The following TBC1D22A variants were observed in gnomAD, a reference collection of about 807,000 sequenced individuals.
The protein encoded by TBC1D22A is putative GTPase activator.
A neutral mutation model predicts 60.2 loss-of-function variants in TBC1D22A; 38 were observed. That is an observed-to-expected ratio of 0.63 (90% confidence interval 0.49 to 0.83). The LOEUF (loss-of-function observed/expected upper bound fraction) is 0.83, where lower values mean the gene tolerates loss of function less well. TBC1D22A is among the 40% of genes least tolerant of loss of function. The pLI is 0.00. For synonymous variants in TBC1D22A, 302 were observed against 281.7 expected, an observed-to-expected ratio of 1.07 and a Z score of -0.72; for missense variants, 628 against 701.0, an observed-to-expected ratio of 0.90 and a Z score of 1.18.
intron 7 of TBC1D22A, among the ~76,000 whole-genome samples, chr22:46,908,384 C>A (rs1375476685): frequency 6.6e-6 from 1 of 152,224 alleles, no homozygotes; most frequent in Non-Finnish European, 1.5e-5. Context: ...GCGGCAGAGC[C>A]AGGCTTTGTG....
At chr22:47,159,826 A>C (rs2067899774) in intron 12 of TBC1D22A, among the ~76,000 whole-genome samples, 2 of 151,706 alleles carry the variant, frequency 1.3e-5, no homozygotes, top group African/African-American at 4.9e-5. Context: ...CACAACCCCC[A>C]CACACGCACC....
intron 7 of TBC1D22A, among the ~76,000 whole-genome samples, chr22:46,898,533 A>ATT (rs5845770): frequency 4.6e-5 from 7 of 151,414 alleles, no homozygotes; most frequent in African/African-American, 1.7e-4. Flanking sequence ...GTGAATCTGC[A>ATT]TTTTTTTTTT....
In TBC1D22A at chr22:46,762,831, C is replaced by A; in HGVS notation, c.45C>A (p.Asn15Lys). Residue 15 changes from asparagine to lysine, a missense_variant, in exon 1 of 13, where the codon AAC becomes AAA. By Grantham distance (94) the Asn-to-Lys change is moderately conservative. Transcript: ENST00000337137. ...GGAAGCAATTCTGGAAGCGCAGCAA[C>A]AGCAAGCTCCCGGGCAGGTGGGTGT... is the stretch of plus-strand genomic sequence containing the variant. Reference protein sequence around the residue: ...GARKQFWKRSNSKLPGSIQHV... With the variant: ...GARKQFWKRSKSKLPGSIQHV... The A allele has an allele frequency of 2.7e-6, 4 of 1,463,422 alleles. No individual in the cohort carries two copies. The highest frequency in any genetic ancestry group is 3.6e-6 in the Non-Finnish European group (4 of 1,114,336). The allele number at this position is 1,463,422 out of a possible 1,614,324, so 90.7% of individuals were successfully genotyped here. A position where few individuals can be genotyped will look rare whatever the true frequency, so the allele number is the denominator to read the frequency against.
chr22:46,938,173 C>G (rs992749580), intron 8 of TBC1D22A, among the ~76,000 whole-genome samples: 13 of 152,208 alleles, frequency 8.5e-5, no homozygotes, highest in African/African-American at 2.9e-4. Context: ...TCCTGCACGC[C>G]CCACTCATGG....
chr22:47,090,443 A>C (rs1008538282), intron 11 of TBC1D22A, among the ~76,000 whole-genome samples: 2 of 152,236 alleles, frequency 1.3e-5, no homozygotes, highest in African/African-American at 4.8e-5. Context: ...CCAGCAGCCG[A>C]GTAACTTCGG....
At chr22:47,085,210 GC>G (rs1327925477) in intron 11 of TBC1D22A, among the ~76,000 whole-genome samples, 1 of 152,228 alleles carries the variant, frequency 6.6e-6, no homozygotes, top group Non-Finnish European at 1.5e-5. Context: ...AACCCAGGAG[GC>G]GGAGGTTGCA....
intron 7 of TBC1D22A, among the ~76,000 whole-genome samples, chr22:46,898,645 T>C (rs375569402): frequency 2.0e-5 from 3 of 152,118 alleles, no homozygotes; most frequent in East Asian, 1.9e-4. Flanking sequence ...CAATCAGATA[T>C]GCATTTGTGT....
chr22:46,984,237 C>T (rs751440323), intron 9 of TBC1D22A, among the ~76,000 whole-genome samples: 12 of 151,370 alleles, frequency 7.9e-5, no homozygotes, highest in Admixed American at 3.9e-4. Context: ...CATGGTGGCG[C>T]GCGCCTGTAA....
At chr22:47,050,149 G>T (rs1053849582) in intron 11 of TBC1D22A, among the ~76,000 whole-genome samples, 4 of 152,188 alleles carry the variant, frequency 2.6e-5, no homozygotes, top group Non-Finnish European at 5.9e-5. Context: ...GGATTAAGGC[G>T]CCTGCCACCA....
At position 47,088,564 on chromosome 22, in the gene TBC1D22A, G is replaced by A. The variant is rs1249086766; in HGVS notation, c.1330-22944G>A. 2.6e-5 allele frequency among the ~76,000 whole-genome samples: 4 copies of A among 152,332 alleles called. No homozygotes were observed. The East Asian group carries it at 7.7e-4, about 29-fold the overall frequency. ...ACCAACTGGTATATAAAAGGAAAGAGTCAAGAAAGTATTCTATTTTCCTGC... is the reference window on the plus strand; with the variant it reads ...ACCAACTGGTATATAAAAGGAAAGAATCAAGAAAGTATTCTATTTTCCTGC... On this transcript the variant is annotated intron_variant, in intron 11 of 12. Transcript: ENST00000337137.
At chr22:46,971,229 C>T (rs1478567146) in intron 8 of TBC1D22A, among the ~76,000 whole-genome samples, 2 of 152,224 alleles carry the variant, frequency 1.3e-5, no homozygotes, top group East Asian at 3.9e-4. Context: ...GCCAGCTAAA[C>T]AGACCAAGAG....
intron 12 of TBC1D22A, among the ~76,000 whole-genome samples, chr22:47,123,207 G>A (rs2066334172): frequency 6.6e-6 from 1 of 152,120 alleles, no homozygotes; most frequent in African/African-American, 2.4e-5. Context: ...CCTGAAAACA[G>A]AGAGCACCAG....
At chr22:46,884,482 C>G (rs2068010640) in intron 5 of TBC1D22A, among the ~76,000 whole-genome samples, 1 of 152,202 alleles carries the variant, frequency 6.6e-6, no homozygotes, top group South Asian at 2.1e-4. Context: ...GGGCTCCTCC[C>G]ACAGCCGGGG....
In TBC1D22A at chr22:47,167,017, CTTTTA is replaced by C. The variant is rs2068234726; in HGVS notation, c.1426-6475_1426-6471del. On this transcript the variant is annotated intron_variant, in intron 12 of 12. Coordinates refer to ENST00000337137, the MANE Select transcript of TBC1D22A (RefSeq NM_014346.5). Reference sequence around the variant, plus strand: ...TGATCTCAGAGCAGACCCTATACTTCTTTTATTTTAAAAATTATGTTTAGTATACA... The same window carrying C: ...TGATCTCAGAGCAGACCCTATACTTCTTTTAAAAATTATGTTTAGTATACA... Among the ~76,000 whole-genome samples the C allele has an allele frequency of 2.6e-5, 4 of 152,190 alleles. No individual in the cohort carries two copies. The South Asian group carries it at 8.3e-4, about 32-fold the overall frequency.
At chr22:46,848,204 CA>C (rs1309546493) in intron 4 of TBC1D22A, among the ~76,000 whole-genome samples, 2 of 152,106 alleles carry the variant, frequency 1.3e-5, no homozygotes, top group South Asian at 2.1e-4. Context: ...CCACTCCCTC[CA>C]AAAAAATGGT....
chr22:47,044,936 G>T (rs1418212591), intron 11 of TBC1D22A, among the ~76,000 whole-genome samples: 1 of 152,214 alleles, frequency 6.6e-6, no homozygotes, highest in Non-Finnish European at 1.5e-5. Context: ...TGCAGGCCTG[G>T]CGTGCTCCAG....
At chr22:47,125,172 C>A (rs570142359) in intron 12 of TBC1D22A, among the ~76,000 whole-genome samples, 1 of 152,192 alleles carries the variant, frequency 6.6e-6, no homozygotes, top group African/African-American at 2.4e-5. Context: ...AGTCCCCAGG[C>A]TCCGGCAAGA....
At chr22:46,837,840 A>C (rs2086587359) in intron 4 of TBC1D22A, among the ~76,000 whole-genome samples, 1 of 152,206 alleles carries the variant, frequency 6.6e-6, no homozygotes, top group African/African-American at 2.4e-5. Flanking sequence ...GAGGCAGTGG[A>C]TCACGAGGTC....
At position 46,863,752 on chromosome 22, in the gene TBC1D22A, G is replaced by A. The variant is rs982134934; in HGVS notation, c.638-14901G>A. Among the ~76,000 whole-genome samples, 160 of 152,122 alleles carry A rather than the reference G, an allele frequency of 1.1e-3. 1 individual carries two copies. Among genetic ancestry groups the A allele is most frequent in the Non-Finnish European group, 5.4e-4 (37 of 68,032 alleles). ...CTCATTCAGTCCCCATGTCTCTGTC[G>A]GCTTTTCCCTTAAAATGTCCCCTTC... On this transcript the variant is annotated intron_variant, in intron 4 of 12. Coordinates refer to ENST00000337137, the MANE Select transcript of TBC1D22A (RefSeq NM_014346.5).
Sources: allele counts gnomAD v4.1 joint callset (sites outside exome capture counted in the v4.1 genomes callset), GRCh38; gene constraint gnomAD v4.1.1; transcripts MANE v1.5; gene names NCBI Gene and HGNC (gene_info 2026-07-23, HGNC 2026-07-21).